The following TIE1 variants were observed in gnomAD, a reference collection of about 807,000 sequenced individuals.
TIE1 encodes tyrosine kinase with immunoglobulin like and EGF like domains 1, also known as tyrosine-protein kinase receptor Tie-1.
In TIE1, 89 loss-of-function variants were observed where a neutral mutation model predicts 130.5. That is an observed-to-expected ratio of 0.68 (90% CI 0.57 to 0.81). The LOEUF (loss-of-function observed/expected upper bound fraction) is 0.81, where lower values mean the gene tolerates loss of function less well. Ranked by LOEUF, TIE1 falls within the 40% of genes least tolerant of loss-of-function variation. The probability of loss-of-function intolerance (pLI) is 0.00; values close to 1 mark genes in which losing one functional copy is unlikely to be tolerated. For missense variants in TIE1, 1,392 were observed against 1,559.8 expected, an observed-to-expected ratio of 0.89 and a Z score of 1.81; for synonymous variants, 568 against 629.4, an observed-to-expected ratio of 0.90 and a Z score of 1.46.
Position 43,318,043 on chromosome 1 carries a change from A to T in TIE1, c.2893A>T (p.Asn965Tyr). The stretch of plus-strand genomic sequence containing the variant: ...GCTGCGTTTCGCCAGTGATGCGGCC[A>T]ATGGCATGCAGTACCTGAGTGAGAA... ...QLLRFASDAA[N>Y]GMQYLSEKQF... The change falls in exon 17 of 23, where the codon AAT becomes TAT. Residue 965 changes from asparagine to tyrosine, a missense_variant. Physicochemically the swap from Asn to Tyr is moderately radical, Grantham distance 143. This residue lies in a region of TIE1 where 286 missense variants were observed against 354.4 expected (regional missense o/e 0.81). Transcript: ENST00000372476. This position sits in a 1 kb window ranked among gnomAD's most constrained non-coding sequence, Gnocchi z 4.4. The T allele has an allele frequency of 6.4e-7, 1 of 1,574,536 alleles. No individual in the cohort carries two copies. Among genetic ancestry groups the T allele is most frequent in the South Asian group, 1.2e-5 (1 of 83,080 alleles).
Position 43,305,281 on chromosome 1 carries a change from C to A in TIE1, c.422C>A (p.Thr141Asn). Residue 141 changes from threonine (T) to asparagine (N), a missense_variant, in exon 3 of 23, where the codon ACC (threonine) becomes AAC (asparagine). This residue lies in a region of TIE1 where 415 missense variants were observed against 424.8 expected (regional missense o/e 0.98). Coordinates refer to ENST00000372476, the MANE Select transcript of TIE1 (RefSeq NM_005424.5). The part of the protein sequence containing the change: ...KVTHTVNKGD[T>N]AVLSARVHKE... Reference sequence around the variant, plus strand: ...ACACACACTGTGAACAAAGGTGACACCGCTGTACTTTCTGCACGTGTGCAC... The same window carrying A: ...ACACACACTGTGAACAAAGGTGACAACGCTGTACTTTCTGCACGTGTGCAC... 1 of 1,609,854 alleles carries A rather than the reference C, an allele frequency of 6.2e-7. No homozygotes were observed. Among genetic ancestry groups the A allele is most frequent in the East Asian group, 2.2e-5 (1 of 44,732 alleles).
At position 43,313,362 on chromosome 1, in the gene TIE1, C is replaced by G; in HGVS notation, c.2155C>G (p.Arg719Gly). Residue 719 changes from arginine (R) to glycine (G), a missense_variant, in exon 13 of 23, where the codon CGG (arginine) becomes GGG (glycine). This residue lies in a region of TIE1 where 551 missense variants were observed against 565.5 expected (regional missense o/e 0.97). Coordinates refer to ENST00000372476, the MANE Select transcript of TIE1 (RefSeq NM_005424.5). This position sits in a 1 kb window ranked among gnomAD's most constrained non-coding sequence, Gnocchi z 6.2. ...NASTRYLFRM[R>G]ASIQGLGDWS... Reference sequence around the variant, plus strand: ...CAGCACGCGCTACCTCTTCCGCATGCGGGCCAGCATTCAGGGGCTCGGGGA... The same window carrying G: ...CAGCACGCGCTACCTCTTCCGCATGGGGGCCAGCATTCAGGGGCTCGGGGA... 6.2e-7 allele frequency: 1 copy of G among 1,614,020 alleles called. No homozygotes were observed. Among genetic ancestry groups the G allele is most frequent in the African/African-American group, 1.3e-5 (1 of 75,004 alleles).
chr1:43,322,989 A>C lies in TIE1; in HGVS notation c.*267A>C. On this transcript the variant is annotated 3_prime_UTR_variant, in exon 23 of 23. Coordinates refer to ENST00000372476, the MANE Select transcript of TIE1 (RefSeq NM_005424.5). This position sits in a 1 kb window ranked among gnomAD's most constrained non-coding sequence, Gnocchi z 4.0. ...TTTCCCATCCCACTGCTCCCCCAAC[A>C]CAAACCCCCACTCCAGCTCCTTCGC... The C allele has an allele frequency of 2.1e-6, 1 of 479,764 alleles. No individual in the cohort carries two copies. Among genetic ancestry groups the C allele is most frequent in the Non-Finnish European group, 3.8e-6 (1 of 265,108 alleles). The allele number at this position is 479,764 out of a possible 1,614,324, so 29.7% of individuals were successfully genotyped here.
At position 43,313,438 on chromosome 1, in the gene TIE1, G is replaced by C; in HGVS notation, c.2218+13G>C. ...ACCCTGGGCAACGGTGAGAGGGCAG[G>C]GCCCACAGGACCCCCCGGGCTCTGA... On this transcript the variant is annotated intron_variant, in intron 13 of 22. Coordinates refer to ENST00000372476, the MANE Select transcript of TIE1 (RefSeq NM_005424.5). The surrounding 1 kb of genome is among the most constrained non-coding windows in gnomAD (Gnocchi z 6.2). 2 of 1,613,362 alleles carry C rather than the reference G, an allele frequency of 1.2e-6. No individual in the cohort carries two copies. Among genetic ancestry groups the C allele is most frequent in the Non-Finnish European group, 1.7e-6 (2 of 1,179,664 alleles).
In TIE1 at chr1:43,319,382, G is replaced by A; in HGVS notation, c.3036+34G>A. ...CATTCAACCCTCACCCTTAGGGCTT[G>A]TGCCTGGCCCTGCCCCACAGGAGCC... On this transcript the variant is annotated intron_variant, in intron 18 of 22. Transcript: ENST00000372476. This position sits in a 1 kb window ranked among gnomAD's most constrained non-coding sequence, Gnocchi z 4.7. 6.2e-7 allele frequency: 1 copy of A among 1,612,562 alleles called. No individual in the cohort carries two copies. The highest frequency in any genetic ancestry group is 1.3e-5 in the African/African-American group (1 of 74,984).
At position 43,309,448 on chromosome 1, in the gene TIE1, G is replaced by T. The variant is rs1008847062; in HGVS notation, c.1249G>T (p.Val417Phe). 69 of 1,612,236 alleles carry T rather than the reference G, an allele frequency of 4.3e-5. No homozygotes were observed. In the Admixed American group the frequency reaches 1.1e-3, roughly 26 times the overall value. The change falls in exon 9 of 23, where the codon GTT (valine) becomes TTT (phenylalanine). Residue 417 changes from valine to phenylalanine, a missense_variant. Val to Phe is a conservative substitution (Grantham distance 50). Transcript: ENST00000372476. This position sits in a 1 kb window ranked among gnomAD's most constrained non-coding sequence, Gnocchi z 6.3. Reference sequence around the variant, plus strand: ...AGCTGAGTTCGAGGTGCCCCGCTTGGTTCTTGCGGACAGTGGGTTCTGGGA... The same window carrying T: ...AGCTGAGTTCGAGGTGCCCCGCTTGTTTCTTGCGGACAGTGGGTTCTGGGA... ...TTAEFEVPRL[V>F]LADSGFWECR...
chr1:43,312,249 C>A lies in TIE1; in HGVS notation c.1631-56C>A. On this transcript the variant is annotated intron_variant, in intron 11 of 22. Coordinates refer to ENST00000372476, the MANE Select transcript of TIE1 (RefSeq NM_005424.5). This position sits in a 1 kb window ranked among gnomAD's most constrained non-coding sequence, Gnocchi z 5.6. Reference sequence around the variant, plus strand: ...TTCCTTGTTCACTGGGGATCATTGTCCTGTCCAGCCCCAAGTACCTACTGG... The same window carrying A: ...TTCCTTGTTCACTGGGGATCATTGTACTGTCCAGCCCCAAGTACCTACTGG... The A allele has an allele frequency of 6.6e-7, 1 of 1,513,272 alleles. No individual in the cohort carries two copies. Among genetic ancestry groups the A allele is most frequent in the South Asian group, 1.3e-5 (1 of 74,810 alleles). The allele number at this position is 1,513,272 out of a possible 1,614,324, so 93.7% of individuals were successfully genotyped here.
In TIE1 at chr1:43,309,161, C is replaced by T. The variant is rs1317145899; in HGVS notation, c.1188+30C>T. 41 of 1,562,078 alleles carry T rather than the reference C, an allele frequency of 2.6e-5. No individual in the cohort carries two copies. Among genetic ancestry groups the T allele is most frequent in the Non-Finnish European group, 3.5e-5 (40 of 1,151,614 alleles). The stretch of plus-strand genomic sequence containing the variant: ...GCCCCCAATCACCCCAACCCACCAG[C>T]CCCTCAGGCCGCCTGCTTCACAGCT... On this transcript the variant is annotated intron_variant, in intron 8 of 22. Transcript: ENST00000372476. This position sits in a 1 kb window ranked among gnomAD's most constrained non-coding sequence, Gnocchi z 6.3.
Position 43,319,432 on chromosome 1 carries a change from C to G in TIE1, c.3037-27C>G. ...CTCAAACAGGCCCTTCCTCCACACT[C>G]AGCCCCTCAAACCCATTCTCTCCTA... On this transcript the variant is annotated intron_variant, in intron 18 of 22. Coordinates refer to ENST00000372476, the MANE Select transcript of TIE1 (RefSeq NM_005424.5). This position sits in a 1 kb window ranked among gnomAD's most constrained non-coding sequence, Gnocchi z 4.7. 1.2e-6 allele frequency: 2 copies of G among 1,613,770 alleles called. No individual in the cohort carries two copies. The highest frequency in any genetic ancestry group is 2.2e-5 in the South Asian group (2 of 91,064).
At chr1:43,308,899 T>C in intron 7 of TIE1, 87 bp from the exon 8 acceptor site, 2 of 1,589,488 alleles carry the variant, frequency 1.3e-6, no homozygotes, top group Non-Finnish European at 1.7e-6. Context: ...ATACCTCCAC[T>C]GAGAAACAGA....
chr1:43,303,327 T>G (rs1455529182), intron 1 of TIE1, among the ~76,000 whole-genome samples: 1 of 151,566 alleles, frequency 6.6e-6, no homozygotes, highest in Non-Finnish European at 1.5e-5. Context: ...ACTGGGGGAG[T>G]GGGCGAGCTT....
Position 43,301,218 on chromosome 1 carries a change from AAGTAGGATG to A in TIE1, c.58+91_58+99del. 2.1e-6 allele frequency: 3 copies of A among 1,434,548 alleles called. No individual in the cohort carries two copies. In the South Asian group the frequency reaches 4.0e-5, roughly 19 times the overall value. The allele number at this position is 1,434,548 out of a possible 1,614,324, so 88.9% of individuals were successfully genotyped here. A position where few individuals can be genotyped will look rare whatever the true frequency, so the allele number is the denominator to read the frequency against. On this transcript the variant is annotated intron_variant, in intron 1 of 22. Coordinates refer to ENST00000372476, the MANE Select transcript of TIE1 (RefSeq NM_005424.5). ...AACCCTATTTTATCATAGAGACAGA[AAGTAGGATG>A]ATGGTTGCCATGGGCTGCAGGGAGG...
intron 21 of TIE1, 27 bp downstream of exon 21, chr1:43,321,519 T>A: frequency 6.3e-7 from 1 of 1,593,640 alleles, no homozygotes; most frequent in East Asian, 2.3e-5. Flanking sequence ...TTGAGCTCCA[T>A]GATCCTATCT....
intron 3 of TIE1, among the ~76,000 whole-genome samples, chr1:43,305,615 T>A (rs1399013628): frequency 1.3e-5 from 2 of 152,134 alleles, no homozygotes; most frequent in Non-Finnish European, 2.9e-5. Context: ...TAAACCCTCA[T>A]CTCTCCCCTG....
In TIE1 at chr1:43,305,185, G is replaced by C. The variant is rs1338488849; in HGVS notation, c.373+20G>C. The C allele has an allele frequency of 1.2e-6, 2 of 1,613,966 alleles. No homozygotes were observed. The highest frequency in any genetic ancestry group is 1.6e-4 in the Middle Eastern group (1 of 6,062). ...CTGGAGGTGAGTTAGGCAGGCGGGG[G>C]GATGGCGCGGGGAAAACCAGGCCGC... On this transcript the variant is annotated intron_variant, in intron 2 of 22. Transcript: ENST00000372476.
chr1:43,321,281 A>G lies in TIE1; in HGVS notation c.3120A>G (p.Gly1040=), dbSNP rs45526941. 3.3e-5 allele frequency: 53 copies of G among 1,614,080 alleles called. No homozygotes were observed. The East Asian group carries it at 1.1e-3, about 33-fold the overall frequency. Residue 1040 remains glycine (G), a synonymous_variant, in exon 20 of 23, where the codon GGA becomes GGG. Transcript: ENST00000372476. ...CTTCTTATTTCAGCTGGTCCTTTGG[A>G]GTCCTTCTTTGGGAGATAGTGAGCC... ...YTTKSDVWSF[G]VLLWEIVSLG... is the part of the protein sequence containing the mutation.
chr1:43,308,883 G>A (rs1646758657), intron 7 of TIE1, 103 bp from the exon 8 acceptor site: 1 of 1,504,472 alleles, frequency 6.6e-7, no homozygotes, highest in Non-Finnish European at 9.2e-7. Context: ...TGGAGGGACT[G>A]GGTAGATACC....
At position 43,307,619 on chromosome 1, in the gene TIE1, G is replaced by A. The variant is rs2153910831; in HGVS notation, c.913+47G>A. 6.2e-7 allele frequency: 1 copy of A among 1,613,008 alleles called. No individual in the cohort carries two copies. The highest frequency in any genetic ancestry group is 8.5e-7 in the Non-Finnish European group (1 of 1,179,326). ...GGTCCCTGACCAAGACAGCTGGCCA[G>A]GAGCTTGACCCGGACCCTCCACTCT... On this transcript the variant is annotated intron_variant, in intron 6 of 22. Transcript: ENST00000372476. This position sits in a 1 kb window ranked among gnomAD's most constrained non-coding sequence, Gnocchi z 5.4.
At position 43,322,847 on chromosome 1, in the gene TIE1, G is replaced by A; in HGVS notation, c.*125G>A. ...CAAGGAATTTTTTTAACTTAAGGGA[G>A]AAAAAAAGGGATCTGGGGATGGGGT... On this transcript the variant is annotated 3_prime_UTR_variant, in exon 23 of 23. Coordinates refer to ENST00000372476, the MANE Select transcript of TIE1 (RefSeq NM_005424.5). The surrounding 1 kb of genome is among the most constrained non-coding windows in gnomAD (Gnocchi z 4.0). 18 of 827,376 alleles carry A rather than the reference G, an allele frequency of 2.2e-5. No homozygotes were observed. Among genetic ancestry groups the A allele is most frequent in the Admixed American group, 1.3e-4 (5 of 39,892 alleles). 51.3% of individuals were successfully genotyped at this position (827,376 alleles called of 1,614,324 possible).
Sources: allele counts gnomAD v4.1 joint callset (sites outside exome capture counted in the v4.1 genomes callset), GRCh38; gene constraint gnomAD v4.1.1; regional missense constraint gnomAD v4.1.1; non-coding constraint Gnocchi (gnomAD v3.1); transcripts MANE v1.5; gene names NCBI Gene and HGNC (gene_info 2026-07-23, HGNC 2026-07-21).